The following USP32 variants were observed in gnomAD, a reference collection of about 807,000 sequenced individuals.
USP32 encodes the protein ubiquitin carboxyl-terminal hydrolase 32.
Under a neutral mutation model 204.8 loss-of-function variants are expected in USP32, and 59 were observed. The ratio of observed to expected loss-of-function variants is 0.29; its 90% CI spans 0.23 to 0.36. The LOEUF is 0.36. Among genes scored for constraint, USP32 ranks in the 10% least tolerant of loss-of-function variants. USP32 has a pLI of 1.00. For synonymous variants in USP32, 517 were observed against 678.4 expected, an observed-to-expected ratio of 0.76 and a Z score of 3.70; for missense variants, 1,160 against 1,946.4, an observed-to-expected ratio of 0.60 and a Z score of 7.60.
intron 27 of USP32, 91 bp downstream of exon 27, chr17:60,198,167 CAT>C: frequency 6.7e-7 from 1 of 1,489,334 alleles, no homozygotes; most frequent in Non-Finnish European, 9.0e-7. Context: ...ATTAACTTGA[CAT>C]AGGCTGGGTC....
At chr17:60,377,444 T>C (rs1169810730) in intron 1 of USP32, among the ~76,000 whole-genome samples, 1 of 152,206 alleles carries the variant, frequency 6.6e-6, no homozygotes, top group Non-Finnish European at 1.5e-5. Context: ...TCTACTCCAA[T>C]AACACACATA....
At chr17:60,254,420 G>C (rs911488124) in intron 10 of USP32, among the ~76,000 whole-genome samples, 1 of 152,166 alleles carries the variant, frequency 6.6e-6, no homozygotes, top group African/African-American at 2.4e-5. Context: ...AAAAACTTGG[G>C]CTGGGCGTGG....
intron 2 of USP32, among the ~76,000 whole-genome samples, chr17:60,313,960 GAC>G (rs1299542659): frequency 6.6e-6 from 1 of 150,946 alleles, no homozygotes; most frequent in African/African-American, 2.4e-5. Flanking sequence ...GCAAAAGAAT[GAC>G]AGAGATGATA....
upstream of USP32, among the ~76,000 whole-genome samples, chr17:60,395,181 TGTATGAACTTATTGTAAA>T (rs2089892691): frequency 1.3e-5 from 2 of 152,228 alleles, no homozygotes; most frequent in African/African-American, 4.8e-5. Flanking sequence ...AGCTCATGAC[TGTATGAACTTATTGTAAA>T]GTAAGATTTA....
chr17:60,200,591 T>G (rs901132911), intron 26 of USP32, among the ~76,000 whole-genome samples: 7 of 151,296 alleles, frequency 4.6e-5, no homozygotes, highest in Non-Finnish European at 1.0e-4. Context: ...TTTCAAATAA[T>G]TATCACAAAG....
chr17:60,339,157 C>T (rs1196291446), intron 2 of USP32, among the ~76,000 whole-genome samples: 13 of 151,856 alleles, frequency 8.6e-5, no homozygotes, highest in Admixed American at 5.3e-4. Context: ...GTGATCTGCC[C>T]GTCTCAGCCT....
chr17:60,375,573 C>T (rs2089523928), intron 1 of USP32, among the ~76,000 whole-genome samples: 2 of 152,028 alleles, frequency 1.3e-5, no homozygotes, highest in African/African-American at 4.8e-5. Flanking sequence ...TCTCTTAACA[C>T]TATTTTTCCT....
At chr17:60,213,325 C>A (rs2085019843) in intron 18 of USP32, among the ~76,000 whole-genome samples, 1 of 152,230 alleles carries the variant, frequency 6.6e-6, no homozygotes, top group Non-Finnish European at 1.5e-5. Context: ...TGTTTTTTAT[C>A]TACCATTCCC....
intron 4 of USP32, among the ~76,000 whole-genome samples, chr17:60,293,364 C>T (rs944292878): frequency 6.6e-6 from 1 of 152,090 alleles, no homozygotes; most frequent in Non-Finnish European, 1.5e-5. Flanking sequence ...TGTCAAAAAT[C>T]CAATCAGTCA....
intron 1 of USP32, among the ~76,000 whole-genome samples, chr17:60,386,851 G>A (rs962494933): frequency 1.3e-5 from 2 of 152,126 alleles, no homozygotes; most frequent in Admixed American, 1.3e-4. Context: ...GATTAGTGAG[G>A]TGAAAACAGT....
intron 1 of USP32, among the ~76,000 whole-genome samples, chr17:60,357,670 T>A (rs1277926202): frequency 6.6e-6 from 1 of 152,208 alleles, no homozygotes; most frequent in Non-Finnish European, 1.5e-5. Flanking sequence ...TAGTAGTTAA[T>A]ATCATTAAAC....
chr17:60,203,513 G>T (rs34799455), intron 26 of USP32, among the ~76,000 whole-genome samples: 4 of 149,784 alleles, frequency 2.7e-5, no homozygotes, highest in African/African-American at 9.9e-5. Context: ...TTACAATTTC[G>T]TTTTCTCTTG....
intron 4 of USP32, among the ~76,000 whole-genome samples, chr17:60,291,787 C>A (rs1271149085): frequency 6.6e-6 from 1 of 152,060 alleles, no homozygotes; most frequent in Non-Finnish European, 1.5e-5. Flanking sequence ...TTCAAATAGC[C>A]ATATACATGA....
chr17:60,257,127 A>G (rs1462633422), intron 9 of USP32: 1 of 178,200 alleles, frequency 5.6e-6, no homozygotes, highest in Non-Finnish European at 1.2e-5. Context: ...TGAGAAAAGC[A>G]AAGGTTTTCA....
intron 2 of USP32, among the ~76,000 whole-genome samples, chr17:60,330,494 C>A (rs2088353006): frequency 6.9e-6 from 1 of 144,194 alleles, no homozygotes. Flanking sequence ...TTTCCTTTTT[C>A]TTTCTCTCTT....
At chr17:60,179,744 C>T (rs893001342) in intron 33 of USP32, among the ~76,000 whole-genome samples, 1 of 152,222 alleles carries the variant, frequency 6.6e-6, no homozygotes, top group Admixed American at 6.5e-5. Context: ...GATCTCAGCT[C>T]ACTGCAACCT....
intron 11 of USP32, among the ~76,000 whole-genome samples, chr17:60,243,454 G>A (rs1233662844): frequency 1.3e-5 from 2 of 152,080 alleles, no homozygotes; most frequent in African/African-American, 4.8e-5. Context: ...AGCCTTCAGT[G>A]TTCTACCATT....
chr17:60,226,657 C>T (rs967316787), intron 12 of USP32, among the ~76,000 whole-genome samples: 1 of 151,936 alleles, frequency 6.6e-6, no homozygotes, highest in African/African-American at 2.4e-5. Flanking sequence ...TACTCAGATT[C>T]CATCATTTAG....
chr17:60,307,536 A>C (rs1215844876), intron 2 of USP32, among the ~76,000 whole-genome samples: 1 of 152,128 alleles, frequency 6.6e-6, no homozygotes, highest in Non-Finnish European at 1.5e-5. Flanking sequence ...ACCTCAAAAG[A>C]CCCCAAATAG....
Sources: allele counts gnomAD v4.1 joint callset (sites outside exome capture counted in the v4.1 genomes callset), GRCh38; gene constraint gnomAD v4.1.1; transcripts MANE v1.5; gene names NCBI Gene and HGNC (gene_info 2026-07-23, HGNC 2026-07-21).